COL19A1: variants seen among roughly 807,000 people sequenced by gnomAD.
COL19A1 encodes collagen alpha-1(XIX) chain.
COL19A1 carries 159 observed loss-of-function variants against 190.2 expected under a neutral mutation model. The ratio of observed to expected loss-of-function variants is 0.84; its 90% confidence interval spans 0.73 to 0.95. The LOEUF is 0.95. Among genes scored for constraint, COL19A1 ranks in the 40% least tolerant of loss-of-function variants. The pLI, the probability that COL19A1 is intolerant of heterozygous loss-of-function variation, is 0.00. For missense variants in COL19A1, 1,418 were observed against 1,431.9 expected (o/e 0.99, Z 0.16); for synonymous variants, 509 against 458.9 (o/e 1.11, Z -1.39).
chr6:70,165,671 T>C (rs1765102691), intron 36 of COL19A1, among the ~76,000 whole-genome samples: 1 of 151,790 alleles, frequency 6.6e-6, no homozygotes, highest in South Asian at 2.1e-4. Context: ...GCACCTGGGT[T>C]GTCTGGCTCC....
In COL19A1 at chr6:70,157,769, A is replaced by G. The variant is rs545733289; in HGVS notation, c.2292+1046A>G. Among the ~76,000 whole-genome samples, 8 of 152,290 alleles carry G rather than the reference A, an allele frequency of 5.3e-5. No individual in the cohort carries two copies. The South Asian group carries it at 6.2e-4, about 12-fold the overall frequency. Reference sequence around the variant, plus strand: ...AAGGTTTTACTAAAGTACAAGCACAATAACTGATTTTCATAGTCCAACAGC... The same window carrying G: ...AAGGTTTTACTAAAGTACAAGCACAGTAACTGATTTTCATAGTCCAACAGC... On this transcript the variant is annotated intron_variant, in intron 34 of 50. Transcript: ENST00000620364.
rs754573443 is a variant in COL19A1 at position 70,121,832 on chromosome 6, G to A, written c.1279-48G>A. 19 of 1,159,804 alleles carry A rather than the reference G, an allele frequency of 1.6e-5. No homozygotes were observed. The Admixed American group carries it at 2.7e-4, about 17-fold the overall frequency. 71.8% of individuals were successfully genotyped at this position (1,159,804 alleles called of 1,614,324 possible). ...TAGATATGTTATTTAAATATTCATT[G>A]TTTTGGTAAATGTGTATATATTTGT... is the stretch of plus-strand genomic sequence containing the variant. On this transcript the variant is annotated intron_variant, in intron 16 of 50. Transcript: ENST00000620364.
intron 34 of COL19A1, among the ~76,000 whole-genome samples, chr6:70,161,504 A>G (rs542753673): frequency 6.6e-6 from 1 of 152,252 alleles, no homozygotes; most frequent in Admixed American, 6.5e-5. Flanking sequence ...TCTTACTTAT[A>G]AGTGAGGGCT....
At chr6:70,061,472 T>A (rs1780824662) in intron 14 of COL19A1, among the ~76,000 whole-genome samples, 1 of 152,102 alleles carries the variant, frequency 6.6e-6, no homozygotes, top group Non-Finnish European at 1.5e-5. Context: ...CCGTAAGTGA[T>A]TTATGTATGT....
intron 15 of COL19A1, among the ~76,000 whole-genome samples, chr6:70,094,321 G>A (rs1221589926): frequency 6.6e-6 from 1 of 152,168 alleles, no homozygotes; most frequent in East Asian, 1.9e-4. Flanking sequence ...AGTTGTGTGT[G>A]CCAGTCAAGG....
chr6:70,105,739 A>G (rs1189200540), intron 16 of COL19A1, among the ~76,000 whole-genome samples: 3 of 152,218 alleles, frequency 2.0e-5, no homozygotes, highest in African/African-American at 7.2e-5. Context: ...TGGAGTTAGT[A>G]TATACCTCGC....
chr6:70,127,571 A>C (rs1382307120), intron 17 of COL19A1, among the ~76,000 whole-genome samples: 1 of 152,202 alleles, frequency 6.6e-6, no homozygotes, highest in African/African-American at 2.4e-5. Flanking sequence ...TGCTGCTGAT[A>C]AAGACATACC....
Position 70,066,444 on chromosome 6 carries a change from G to A in COL19A1, c.1171-1979G>A, listed in dbSNP as rs553082517. On this transcript the variant is annotated intron_variant, in intron 14 of 50. Coordinates refer to ENST00000620364, the MANE Select transcript of COL19A1 (RefSeq NM_001858.6). ...AAGGGGAACATCACACCTGGGTCCT[G>A]TTGTGGGGTGGGGGGAGTGGGGAGG... Among the ~76,000 whole-genome samples the A allele has an allele frequency of 2.4e-4, 36 of 151,812 alleles. 1 individual carries two copies. Among genetic ancestry groups the A allele is most frequent in the Middle Eastern group, 6.8e-3 (2 of 294 alleles).
intron 7 of COL19A1, among the ~76,000 whole-genome samples, chr6:69,935,076 T>C (rs533189529): frequency 3.3e-5 from 5 of 152,142 alleles, no homozygotes; most frequent in Admixed American, 3.3e-4. Context: ...TTTGTTTCTA[T>C]TGGATTTTCA....
chr6:70,045,946 G>A (rs1014736437), intron 14 of COL19A1, among the ~76,000 whole-genome samples: 1 of 152,144 alleles, frequency 6.6e-6, no homozygotes, highest in South Asian at 2.1e-4. Flanking sequence ...GCCTGCTTTT[G>A]ATGAGTTTCC....
chr6:69,944,662 T>C (rs1012548035), intron 9 of COL19A1, among the ~76,000 whole-genome samples: 22 of 152,142 alleles, frequency 1.4e-4, no homozygotes, highest in African/African-American at 5.3e-4. Context: ...TTGGCAAAAC[T>C]TAATATGTAT....
chr6:70,144,685 T>A (rs1009161603), intron 24 of COL19A1, among the ~76,000 whole-genome samples: 1 of 152,162 alleles, frequency 6.6e-6, no homozygotes, highest in African/African-American at 2.4e-5. Flanking sequence ...CACATGCATA[T>A]GTTTCATGAT....
chr6:69,994,928 C>A (rs1411367856), intron 11 of COL19A1, among the ~76,000 whole-genome samples: 1 of 152,124 alleles, frequency 6.6e-6, no homozygotes, highest in East Asian at 1.9e-4. Context: ...TCAGACATCA[C>A]CTTAGGCCTG....
At chr6:69,971,844 T>C (rs988842365) in intron 11 of COL19A1, among the ~76,000 whole-genome samples, 4 of 152,240 alleles carry the variant, frequency 2.6e-5, no homozygotes, top group African/African-American at 9.6e-5. Flanking sequence ...AGTCACCTCC[T>C]AGTTAATCTC....
chr6:70,075,077 AC>A (rs1781805406), intron 15 of COL19A1, among the ~76,000 whole-genome samples: 1 of 152,228 alleles, frequency 6.6e-6, no homozygotes, highest in Non-Finnish European at 1.5e-5. Context: ...TTCTTGGCAT[AC>A]AGATAACATC....
intron 4 of COL19A1, among the ~76,000 whole-genome samples, chr6:69,905,694 G>A (rs573769019): frequency 3.9e-5 from 6 of 152,242 alleles, no homozygotes; most frequent in East Asian, 1.9e-4. Context: ...TGTTTACCTC[G>A]GCCTATCCTT....
chr6:70,171,932 G>T, intron 40 of COL19A1, 32 bp from the exon 41 acceptor site: 1 of 1,606,252 alleles, frequency 6.2e-7, no homozygotes, highest in East Asian at 2.2e-5. Context: ...TTTGATTATT[G>T]CTCCTGCATT....
At chr6:70,167,133 G>A (rs1765210474) in intron 37 of COL19A1, among the ~76,000 whole-genome samples, 1 of 152,184 alleles carries the variant, frequency 6.6e-6, no homozygotes, top group South Asian at 2.1e-4. Context: ...AAATAATAGA[G>A]TAATAAATGG....
At chr6:69,955,749 G>T (rs1774384997) in intron 9 of COL19A1, among the ~76,000 whole-genome samples, 1 of 151,890 alleles carries the variant, frequency 6.6e-6, no homozygotes, top group South Asian at 2.1e-4. Flanking sequence ...AAAAATGAGT[G>T]GTTTACTGAA....
Sources: allele counts gnomAD v4.1 joint callset (sites outside exome capture counted in the v4.1 genomes callset), GRCh38; gene constraint gnomAD v4.1.1; transcripts MANE v1.5; gene names NCBI Gene and HGNC (gene_info 2026-07-23, HGNC 2026-07-21).